RSRC1: variants seen among roughly 807,000 people sequenced by gnomAD.
The protein encoded by RSRC1 is arginine and serine rich coiled-coil 1.
A neutral mutation model predicts 49.1 loss-of-function variants in RSRC1; 39 were observed. The ratio of observed to expected loss-of-function variants is 0.79; its 90% CI spans 0.61 to 1.04. The LOEUF (loss-of-function observed/expected upper bound fraction) is 1.04, where lower values mean the gene tolerates loss of function less well. RSRC1 is among the 50% of genes least tolerant of loss of function. The probability of loss-of-function intolerance (pLI) is 0.00; values close to 1 mark genes in which losing one functional copy is unlikely to be tolerated. For missense variants in RSRC1, 388 were observed against 402.4 expected, an observed-to-expected ratio of 0.96 and a Z score of 0.31; for synonymous variants, 143 against 130.8, an observed-to-expected ratio of 1.09 and a Z score of -0.63.
At chr3:158,160,927 A>G (rs970091748) in intron 3 of RSRC1, among the ~76,000 whole-genome samples, 4 of 96,288 alleles carry the variant, frequency 4.2e-5, no homozygotes, top group Non-Finnish European at 6.6e-5. Context: ...ACAGAGGTCA[A>G]ATAATTTGCT....
At chr3:158,188,864 G>C (rs534161569) in intron 3 of RSRC1, among the ~76,000 whole-genome samples, 1 of 151,232 alleles carries the variant, frequency 6.6e-6, no homozygotes, top group South Asian at 2.1e-4. Flanking sequence ...TTAACCTTTT[G>C]AGTTTACTCT....
At chr3:158,251,154 C>A (rs1724189771) in intron 4 of RSRC1, among the ~76,000 whole-genome samples, 1 of 152,028 alleles carries the variant, frequency 6.6e-6, no homozygotes, top group Non-Finnish European at 1.5e-5. Context: ...TGTTTCTGGG[C>A]TCTCTATTCT....
At chr3:158,451,465 G>A (rs145873784) in intron 6 of RSRC1, among the ~76,000 whole-genome samples, 23 of 152,132 alleles carry the variant, frequency 1.5e-4, no homozygotes, top group African/African-American at 5.5e-4. Context: ...GGTATCTGCA[G>A]ACACTTATTA....
chr3:158,349,246 A>C (rs952156474), intron 5 of RSRC1, among the ~76,000 whole-genome samples: 1 of 152,068 alleles, frequency 6.6e-6, no homozygotes, highest in Non-Finnish European at 1.5e-5. Flanking sequence ...TTGTTTTTTT[A>C]ACTTTTTAAT....
At chr3:158,154,230 A>G (rs1717721448) in intron 3 of RSRC1, among the ~76,000 whole-genome samples, 2 of 152,182 alleles carry the variant, frequency 1.3e-5, no homozygotes, top group African/African-American at 4.8e-5. Context: ...CTTATTGCTT[A>G]AAAATGCTAA....
At chr3:158,358,655 C>T (rs1379243700) in intron 6 of RSRC1, among the ~76,000 whole-genome samples, 1 of 151,994 alleles carries the variant, frequency 6.6e-6, no homozygotes, top group Non-Finnish European at 1.5e-5. Context: ...AATTCAGTGG[C>T]ATTCAGTACA....
intron 6 of RSRC1, among the ~76,000 whole-genome samples, chr3:158,403,734 T>A (rs1734006552): frequency 6.6e-6 from 1 of 151,822 alleles, no homozygotes; most frequent in Non-Finnish European, 1.5e-5. Context: ...CTAGCATTGA[T>A]TATTAATAAT....
chr3:158,297,971 T>G, intron 4 of RSRC1, 68 bp from the exon 5 acceptor site: 1 of 1,120,184 alleles, frequency 8.9e-7, no homozygotes. Flanking sequence ...TAAAACATTT[T>G]TGAGGTAAAC....
At chr3:158,452,060 G>A (rs1232712443) in intron 6 of RSRC1, among the ~76,000 whole-genome samples, 1 of 152,026 alleles carries the variant, frequency 6.6e-6, no homozygotes. Flanking sequence ...TCAGATAAAA[G>A]TTTCCCCATA....
At chr3:158,292,368 C>T (rs1726983123) in intron 4 of RSRC1, among the ~76,000 whole-genome samples, 1 of 152,020 alleles carries the variant, frequency 6.6e-6, no homozygotes, top group African/African-American at 2.4e-5. Flanking sequence ...CGATGTGCTG[C>T]ATGAGGGGAA....
At chr3:158,285,029 C>T (rs984586053) in intron 4 of RSRC1, among the ~76,000 whole-genome samples, 1 of 152,174 alleles carries the variant, frequency 6.6e-6, no homozygotes, top group African/African-American at 2.4e-5. Flanking sequence ...GGTTTTAGGT[C>T]TGACGTTTAA....
At chr3:158,144,306 C>G (rs1268839827) in intron 3 of RSRC1, among the ~76,000 whole-genome samples, 1 of 151,930 alleles carries the variant, frequency 6.6e-6, no homozygotes, top group East Asian at 1.9e-4. Context: ...CTCAACAGTC[C>G]CCGGTGTGTG....
At chr3:158,298,205 T>A (rs1482938164) in intron 5 of RSRC1, 130 bp downstream of exon 5, 4 of 659,394 alleles carry the variant, frequency 6.1e-6, no homozygotes, top group African/African-American at 1.9e-5. Context: ...CAGCTTACTG[T>A]TATTATGTGA....
intron 4 of RSRC1, among the ~76,000 whole-genome samples, chr3:158,233,797 C>G (rs1349287801): frequency 1.3e-5 from 2 of 152,080 alleles, no homozygotes; most frequent in African/African-American, 2.4e-5. Context: ...TCTGTGTAAC[C>G]CTGATGTTCT....
At chr3:158,492,506 A>T (rs868509952) in intron 7 of RSRC1, among the ~76,000 whole-genome samples, 2 of 152,202 alleles carry the variant, frequency 1.3e-5, no homozygotes. Flanking sequence ...GATATAGGAA[A>T]TTGTTCTAAA....
chr3:158,223,763 C>T (rs1158935822), intron 4 of RSRC1, among the ~76,000 whole-genome samples: 1 of 151,648 alleles, frequency 6.6e-6, no homozygotes, highest in Non-Finnish European at 1.5e-5. Flanking sequence ...CTCATGCACT[C>T]CAGTTTATCT....
intron 4 of RSRC1, among the ~76,000 whole-genome samples, chr3:158,296,808 G>C (rs827131): frequency 0.45 from 68,225 of 151,678 alleles, 15,665 homozygotes; most frequent in East Asian, 0.64. Flanking sequence ...ATACAGAAGA[G>C]AATGGCTGAA....
chr3:158,426,211 T>C (rs1735431370), intron 6 of RSRC1, among the ~76,000 whole-genome samples: 1 of 151,706 alleles, frequency 6.6e-6, no homozygotes, highest in Admixed American at 6.6e-5. Flanking sequence ...AAAATACCCA[T>C]TTAAAATATT....
At chr3:158,413,103 A>G (rs1042975531) in intron 6 of RSRC1, among the ~76,000 whole-genome samples, 3 of 152,174 alleles carry the variant, frequency 2.0e-5, no homozygotes, top group African/African-American at 4.8e-5. Flanking sequence ...CTACAAGGCT[A>G]CAGTAGCCAA....
Sources: allele counts gnomAD v4.1 joint callset (sites outside exome capture counted in the v4.1 genomes callset), GRCh38; gene constraint gnomAD v4.1.1; transcripts MANE v1.5; gene names NCBI Gene and HGNC (gene_info 2026-07-23, HGNC 2026-07-21).